The following SLC2A7 variants were observed in gnomAD, a reference collection of about 807,000 sequenced individuals.
The protein encoded by SLC2A7 is solute carrier family 2, facilitated glucose transporter member 7.
A neutral mutation model predicts 50.5 loss-of-function variants in SLC2A7; 50 were observed. The ratio of observed to expected loss-of-function variants is 0.99; its 90% CI spans 0.79 to 1.25. SLC2A7 has a LOEUF of 1.25. Ranked by LOEUF, SLC2A7 falls within the 50% of genes most tolerant of loss-of-function variation. The pLI is 0.00. For missense variants in SLC2A7, 683 were observed against 679.1 expected (o/e 1.01, Z -0.06); for synonymous variants, 308 against 300.4 (o/e 1.03, Z -0.26).
downstream of SLC2A7, among the ~76,000 whole-genome samples, chr1:8,998,501 C>T (rs61785777): frequency 2.9e-3 from 443 of 152,264 alleles, 2 homozygotes; most frequent in African/African-American, 0.01. Context: ...ACTATTATTG[C>T]GTTAATACAA....
chr1:8,997,895 G>C, the SLC2A7 span, among the ~76,000 whole-genome samples: 1 of 152,048 alleles, frequency 6.6e-6, no homozygotes, highest in Non-Finnish European at 1.5e-5. Context: ...TGTGCTTTTA[G>C]TGTGTTGTGT....
chr1:9,003,352 G>C lies in SLC2A7; in HGVS notation c.1487C>G (p.Thr496Ser), dbSNP rs369098928. 1.9e-6 allele frequency: 3 copies of C among 1,614,060 alleles called. No homozygotes were observed. The African/African-American group carries it at 4.0e-5, about 22-fold the overall frequency. Residue 496 changes from threonine (T) to serine (S), a missense_variant, in exon 12 of 12, where the codon ACC becomes AGC. Coordinates refer to ENST00000400906, the MANE Select transcript of SLC2A7 (RefSeq NM_207420.3). ...RVKLPEEKEE[T>S]IDAGPPTASP... Reference sequence around the variant, plus strand: ...GGCTGTGGGAGGCCCAGCATCAATGGTTTCTTCTTTCTCCTCTGGAAGCTT... The same window carrying C: ...GGCTGTGGGAGGCCCAGCATCAATGCTTTCTTCTTTCTCCTCTGGAAGCTT...
chr1:9,010,281 C>T (rs1244507759), intron 8 of SLC2A7, 37 bp from the exon 9 acceptor site: 1 of 1,529,806 alleles, frequency 6.5e-7, no homozygotes, highest in South Asian at 1.2e-5. Context: ...GCCGCCTTGG[C>T]CTGGCGCCCA....
intron 3 of SLC2A7, among the ~76,000 whole-genome samples, chr1:9,020,574 GGCTTGGGTTTT>G (rs1333811701): frequency 7.9e-6 from 1 of 125,894 alleles, no homozygotes; most frequent in Non-Finnish European, 1.6e-5. Context: ...CCCCGCCTTT[GGCTTGGGTTTT>G]GCACAGGAGA....
intron 9 of SLC2A7, 63 bp from the exon 10 acceptor site, chr1:9,007,448 C>A: frequency 1.3e-6 from 2 of 1,507,424 alleles, no homozygotes; most frequent in South Asian, 1.1e-5. Flanking sequence ...GGGGGTCCAC[C>A]TGCGGGTCCC....
At chr1:9,026,158 G>A in intron 1 of SLC2A7, 137 bp downstream of exon 1, 1 of 949,632 alleles carries the variant, frequency 1.1e-6, no homozygotes, top group Non-Finnish European at 1.6e-6. Flanking sequence ...GGCTCTCCCA[G>A]GCCTGGTTAT....
At chr1:8,993,391 T>C in the SLC2A7 span, among the ~76,000 whole-genome samples, 1 of 152,190 alleles carries the variant, frequency 6.6e-6, no homozygotes, top group Non-Finnish European at 1.5e-5. Context: ...AAGCACCAGC[T>C]TGTCCTTCCC....
At chr1:9,013,416 C>A in intron 8 of SLC2A7, 109 bp downstream of exon 8, 1 of 829,130 alleles carries the variant, frequency 1.2e-6, no homozygotes, top group Admixed American at 2.5e-5. Flanking sequence ...CCTTAAATGA[C>A]CCCAGGACCA....
intron 10 of SLC2A7, among the ~76,000 whole-genome samples, chr1:9,007,108 C>T (rs1361967571): frequency 6.6e-6 from 1 of 152,234 alleles, no homozygotes; most frequent in Admixed American, 6.5e-5. Flanking sequence ...CAGTGGGGCG[C>T]TGGCCTGGCT....
At position 9,003,182 on chromosome 1, in the gene SLC2A7, A is replaced by AT; in HGVS notation, c.*117_*118insA. ...ATTTAATAATATCCATAATTAAGTT[A>AT]AATGGGGGCAACGACAAAAGCCTCC... On this transcript the variant is annotated 3_prime_UTR_variant, in exon 12 of 12. Coordinates refer to ENST00000400906, the MANE Select transcript of SLC2A7 (RefSeq NM_207420.3). 1 of 814,526 alleles carries AT rather than the reference A, an allele frequency of 1.2e-6. No homozygotes were observed. Among genetic ancestry groups the AT allele is most frequent in the East Asian group, 2.6e-5 (1 of 37,890 alleles). The allele number at this position is 814,526 out of a possible 1,614,324, so 50.5% of individuals were successfully genotyped here.
chr1:9,026,220 G>A, intron 1 of SLC2A7, 75 bp downstream of exon 1: 1 of 1,495,338 alleles, frequency 6.7e-7, no homozygotes, highest in South Asian at 1.2e-5. Flanking sequence ...GCATTCCACG[G>A]CCTTCACCTC....
chr1:9,009,807 C>T (rs149542416), intron 9 of SLC2A7, among the ~76,000 whole-genome samples: 2 of 152,372 alleles, frequency 1.3e-5, no homozygotes, highest in East Asian at 3.9e-4. Flanking sequence ...TTAACCCACA[C>T]CTGTTCACCG....
rs149870338 is a variant in SLC2A7, at chr1:9,004,832, G to T, written c.1240C>A (p.Arg414=). 17 of 1,614,072 alleles carry T rather than the reference G, an allele frequency of 1.1e-5. No homozygotes were observed. The highest frequency in any genetic ancestry group is 1.4e-5 in the Non-Finnish European group (16 of 1,179,970). The change falls in exon 11 of 12, where the codon CGG becomes AGG. Residue 414 remains arginine, a synonymous_variant. Coordinates refer to ENST00000400906, the MANE Select transcript of SLC2A7 (RefSeq NM_207420.3). The part of the protein sequence containing the change: ...VRTEIFLQSS[R]RAAFMVDGAV... ...CCGTCCACCATGAAAGCTGCCCGCC[G>T]GGAGGACTGCAGGAAGATCTCGGTC...
At chr1:9,019,369 T>A in intron 3 of SLC2A7, 36 bp from the exon 4 acceptor site, 1 of 1,610,734 alleles carries the variant, frequency 6.2e-7, no homozygotes, top group South Asian at 1.1e-5. Flanking sequence ...CAGGGGTGCG[T>A]GGAGGCCGCG....
At position 9,014,880 on chromosome 1, in the gene SLC2A7, A is replaced by G; in HGVS notation, c.716-12T>C. ...CAGCCTCCTCAGAGCTGCGGAAAGCAGAACCACCCGCTCAGAGGGCCGTCT... is the reference window on the plus strand; with the variant it reads ...CAGCCTCCTCAGAGCTGCGGAAAGCGGAACCACCCGCTCAGAGGGCCGTCT... On this transcript the variant is annotated splice_polypyrimidine_tract_variant and intron_variant, in intron 6 of 11. Coordinates refer to ENST00000400906, the MANE Select transcript of SLC2A7 (RefSeq NM_207420.3). 2.5e-6 allele frequency: 4 copies of G among 1,581,960 alleles called. No homozygotes were observed. The highest frequency in any genetic ancestry group is 3.4e-6 in the Non-Finnish European group (4 of 1,164,570).
Position 9,008,070 on chromosome 1 carries a change from C to A in SLC2A7, c.1117-685G>T, listed in dbSNP as rs938353755. Among the ~76,000 whole-genome samples the A allele has an allele frequency of 1.3e-5, 2 of 152,078 alleles. No homozygotes were observed. The highest frequency in any genetic ancestry group is 1.5e-5 in the Non-Finnish European group (1 of 68,012). On this transcript the variant is annotated intron_variant, in intron 9 of 11. Coordinates refer to ENST00000400906, the MANE Select transcript of SLC2A7 (RefSeq NM_207420.3). The surrounding 1 kb of genome is among the most constrained non-coding windows in gnomAD (Gnocchi z 5.9). ...TACCATTCTCTGGAGACTCCTAGGA[C>A]CCCCGGACCCGTGGAGCTGGCAGAC...
At chr1:9,016,931 C>T (rs191717876) in intron 5 of SLC2A7, among the ~76,000 whole-genome samples, 3 of 152,238 alleles carry the variant, frequency 2.0e-5, no homozygotes, top group East Asian at 1.9e-4. Context: ...TTTCTCTGAC[C>T]TTCTCCTGTC....
At chr1:9,024,394 G>A (rs1281442040) in intron 2 of SLC2A7, among the ~76,000 whole-genome samples, 1 of 152,198 alleles carries the variant, frequency 6.6e-6, no homozygotes, top group African/African-American at 2.4e-5. Flanking sequence ...GTAATACAGT[G>A]TCTGTAGACA....
intron 9 of SLC2A7, among the ~76,000 whole-genome samples, chr1:9,007,884 G>A (rs781221540): frequency 1.6e-4 from 25 of 151,984 alleles, no homozygotes; most frequent in African/African-American, 5.8e-4. Context: ...AGAGGCGTGC[G>A]CCACCACGCC....
Sources: allele counts gnomAD v4.1 joint callset (sites outside exome capture counted in the v4.1 genomes callset), GRCh38; gene constraint gnomAD v4.1.1; non-coding constraint Gnocchi (gnomAD v3.1); transcripts MANE v1.5; gene names NCBI Gene and HGNC (gene_info 2026-07-23, HGNC 2026-07-21).